PPIF: variants seen among roughly 807,000 people sequenced by gnomAD.
PPIF encodes the protein peptidylprolyl isomerase F, also known as peptidyl-prolyl cis-trans isomerase F, mitochondrial.
A neutral mutation model predicts 20.2 loss-of-function variants in PPIF; 23 were observed. The ratio of observed to expected loss-of-function variants is 1.14; its 90% CI spans 0.82 to 1.61. The LOEUF is 1.61. PPIF is among the 40% of genes most tolerant of loss of function. PPIF has a pLI of 0.00. For missense variants in PPIF, 287 were observed against 291.6 expected, an observed-to-expected ratio of 0.98 and a Z score of 0.11; for synonymous variants, 113 against 123.1, an observed-to-expected ratio of 0.92 and a Z score of 0.54.
chr10:79,352,389 A>G lies in PPIF; in HGVS notation c.485A>G (p.Asp162Gly), dbSNP rs766811181. 2.5e-6 allele frequency: 4 copies of G among 1,613,502 alleles called. No homozygotes were observed. The highest frequency in any genetic ancestry group is 1.6e-4 in the Middle Eastern group (1 of 6,084). Reference protein sequence around the residue: ...SQFFICTIKTDWLDGKHVVFG... With the variant: ...SQFFICTIKTGWLDGKHVVFG... ...TTCTTCATCTGCACCATAAAGACAG[A>G]CTGGTGAGTTCCCTGCCCCAGGCCC... Residue 162 changes from aspartate to glycine, a missense_variant, in exon 5 of 6, where the codon GAC becomes GGC. Physicochemically the swap from Asp to Gly is moderately conservative, Grantham distance 94. Coordinates refer to ENST00000225174, the MANE Select transcript of PPIF (RefSeq NM_005729.4).
At chr10:79,350,517 G>C (rs1355600425) in intron 3 of PPIF, among the ~76,000 whole-genome samples, 1 of 152,218 alleles carries the variant, frequency 6.6e-6, no homozygotes, top group Non-Finnish European at 1.5e-5. Context: ...GGCCGTCATC[G>C]TACCGTGGTA....
chr10:79,351,222 G>C (rs1855977897), intron 3 of PPIF, among the ~76,000 whole-genome samples: 1 of 152,088 alleles, frequency 6.6e-6, no homozygotes, highest in Admixed American at 6.5e-5. Flanking sequence ...GTCTTTTGAA[G>C]ATTACTTAAA....
At position 79,349,716 on chromosome 10, in the gene PPIF, C is replaced by T. The variant is rs780132922; in HGVS notation, c.278C>T (p.Ser93Phe). 25 of 1,613,876 alleles carry T rather than the reference C, an allele frequency of 1.5e-5. No homozygotes were observed. In the East Asian group the frequency reaches 5.3e-4, roughly 35 times the overall value. Residue 93 changes from serine to phenylalanine, a missense_variant, in exon 3 of 6, where the codon TCC becomes TTC. Physicochemically the swap from Ser to Phe is radical, Grantham distance 155. Transcript: ENST00000225174. ...TGEKGFGYKG[S>F]TFHRVIPSFM... is the part of the protein sequence containing the mutation. Reference sequence around the variant, plus strand: ...GAGAAGGGCTTCGGCTACAAAGGCTCCACCTTCCACAGGGTGATCCCTTCC... The same window carrying T: ...GAGAAGGGCTTCGGCTACAAAGGCTTCACCTTCCACAGGGTGATCCCTTCC...
In PPIF at chr10:79,349,115, G is replaced by A; in HGVS notation, c.226+9G>A. The A allele has an allele frequency of 6.2e-7, 1 of 1,613,998 alleles. No individual in the cohort carries two copies. The highest frequency in any genetic ancestry group is 8.5e-7 in the Non-Finnish European group (1 of 1,179,986). ...CGTCCCAAAGACAGCTGGTAAGACA[G>A]GGCCTGGGGCCTTCTGAGATGGGTC... On this transcript the variant is annotated intron_variant, in intron 2 of 5. Coordinates refer to ENST00000225174, the MANE Select transcript of PPIF (RefSeq NM_005729.4).
At position 79,353,962 on chromosome 10, in the gene PPIF, T is replaced by G; in HGVS notation, c.*120T>G. 2.5e-6 allele frequency: 3 copies of G among 1,177,502 alleles called. No individual in the cohort carries two copies. Among genetic ancestry groups the G allele is most frequent in the Non-Finnish European group, 3.6e-6 (3 of 832,992 alleles). The allele number at this position is 1,177,502 out of a possible 1,614,324, so 72.9% of individuals were successfully genotyped here. ...GTGTGCCCACTCCACTGTCACAGTGTGCCTGAGGAAGGCTGCTAGGGATGT... is the reference window on the plus strand; with the variant it reads ...GTGTGCCCACTCCACTGTCACAGTGGGCCTGAGGAAGGCTGCTAGGGATGT... On this transcript the variant is annotated 3_prime_UTR_variant, in exon 6 of 6. Transcript: ENST00000225174.
intron 3 of PPIF, 172 bp downstream of exon 3, chr10:79,349,925 C>T (rs1855958456): frequency 3.6e-6 from 5 of 1,389,910 alleles, no homozygotes; most frequent in Non-Finnish European, 4.8e-6. Flanking sequence ...ACATGGAAGC[C>T]CAGCCCCAAC....
chr10:79,349,317 T>C (rs1310583740), intron 2 of PPIF, among the ~76,000 whole-genome samples: 7 of 152,236 alleles, frequency 4.6e-5, no homozygotes, highest in Non-Finnish European at 8.8e-5. Context: ...TCATAGTAGC[T>C]GGGAGCCTCA....
At position 79,351,434 on chromosome 10, in the gene PPIF, G is replaced by A. The variant is rs962581733; in HGVS notation, c.316-53G>A. On this transcript the variant is annotated intron_variant, in intron 3 of 5. Transcript: ENST00000225174. ...TGAGGCTGCTGCCAGCGCCAGGGCC[G>A]TGGCCCCCGCCTGCTCCATGGTAGC... 8.2e-6 allele frequency: 13 copies of A among 1,579,024 alleles called. No homozygotes were observed. The African/African-American group carries it at 9.4e-5, about 11-fold the overall frequency.
intron 3 of PPIF, 40 bp from the exon 4 acceptor site, chr10:79,351,447 G>C: frequency 1.2e-6 from 2 of 1,604,294 alleles, no homozygotes; most frequent in Non-Finnish European, 1.7e-6. Flanking sequence ...GCCCCCGCCT[G>C]CTCCATGGTA....
At position 79,351,584 on chromosome 10, in the gene PPIF, G is replaced by C; in HGVS notation, c.412+1G>C. 6.2e-7 allele frequency: 1 copy of C among 1,613,404 alleles called. No homozygotes were observed. The highest frequency in any genetic ancestry group is 8.5e-7 in the Non-Finnish European group (1 of 1,179,318). On this transcript the variant is annotated splice_donor_variant, in intron 4 of 5. Transcript: ENST00000225174. LOFTEE classifies it high-confidence loss of function. ...TTTACACTGAAGCACGTGGGGCCAG[G>C]TGAGTGGGGGCCTCCTCTAGGGTGA...
At chr10:79,351,462 C>T (rs745525785) in intron 3 of PPIF, 25 bp from the exon 4 acceptor site, 1 of 1,612,308 alleles carries the variant, frequency 6.2e-7, no homozygotes. Context: ...ATGGTAGCCA[C>T]TCAGAAGGTG....
At chr10:79,352,711 T>C (rs1589647437) in intron 5 of PPIF, among the ~76,000 whole-genome samples, 2 of 152,326 alleles carry the variant, frequency 1.3e-5, no homozygotes, top group South Asian at 2.1e-4. Flanking sequence ...GCAAAACATA[T>C]TATGAGGCCT....
intron 3 of PPIF, 29 bp downstream of exon 3, chr10:79,349,782 G>A: frequency 6.2e-7 from 1 of 1,613,484 alleles, no homozygotes; most frequent in South Asian, 1.1e-5. Context: ...CTGTAAGGGG[G>A]GATGAGAGCA....
chr10:79,347,855 C>T (rs1004310257), intron 1 of PPIF, 112 bp downstream of exon 1: 4 of 1,224,390 alleles, frequency 3.3e-6, no homozygotes, highest in Non-Finnish European at 4.1e-6. Flanking sequence ...CTCCCCATGC[C>T]GAGCTCTGGG....
At position 79,353,797 on chromosome 10, in the gene PPIF, G is replaced by T. The variant is rs577203152; in HGVS notation, c.579G>T (p.Arg193Ser). Residue 193 changes from arginine (R) to serine (S), a missense_variant, in exon 6 of 6, where the codon AGG becomes AGT. Transcript: ENST00000225174. The stretch of plus-strand genomic sequence containing the variant: ...AATCTTTCGGCTCTAAGAGTGGGAG[G>T]ACATCCAAGAAGATTGTCATCACAG... ...KIESFGSKSG[R>S]TSKKIVITDC... The T allele has an allele frequency of 1.2e-6, 2 of 1,614,238 alleles. No individual in the cohort carries two copies. Among genetic ancestry groups the T allele is most frequent in the South Asian group, 2.2e-5 (2 of 91,088 alleles).
Position 79,354,062 on chromosome 10 carries a change from TG to T in PPIF, c.*221del. ...TCACGACCTCATTTCTGGGCATCTTTGTGGACATGATGTCACCCACCCCTTG... is the reference window on the plus strand; with the variant it reads ...TCACGACCTCATTTCTGGGCATCTTTTGGACATGATGTCACCCACCCCTTG... On this transcript the variant is annotated 3_prime_UTR_variant, in exon 6 of 6. Transcript: ENST00000225174. 2 of 569,498 alleles carry T rather than the reference TG, an allele frequency of 3.5e-6. No individual in the cohort carries two copies. Among genetic ancestry groups the T allele is most frequent in the East Asian group, 6.0e-5 (2 of 33,154 alleles). 35.3% of individuals were successfully genotyped at this position (569,498 alleles called of 1,614,324 possible). A position where few individuals can be genotyped will look rare whatever the true frequency, so the allele number is the denominator to read the frequency against.
Position 79,347,596 on chromosome 10 carries a change from C to T in PPIF, c.48C>T (p.Val16=). The stretch of plus-strand genomic sequence containing the variant: ...CCCGCTGGCTCGGCCTGCTCTCCGT[C>T]CCGCGCTCCGTGCCGCTGCGCCTCC... ...CGSRWLGLLS[V]PRSVPLRLPA... is the part of the protein sequence containing the mutation. The change falls in exon 1 of 6, where the codon GTC becomes GTT. Residue 16 remains valine, a synonymous_variant. Coordinates refer to ENST00000225174, the MANE Select transcript of PPIF (RefSeq NM_005729.4). 7.0e-7 allele frequency: 1 copy of T among 1,424,908 alleles called. No homozygotes were observed. The highest frequency in any genetic ancestry group is 9.2e-7 in the Non-Finnish European group (1 of 1,086,522). 88.3% of individuals were successfully genotyped at this position (1,424,908 alleles called of 1,614,324 possible).
rs1457011787 is a variant in PPIF, at chr10:79,355,130, A to T, written c.*1288A>T. 6.6e-6 allele frequency: 1 copy of T among 152,122 alleles called. No individual in the cohort carries two copies. Among genetic ancestry groups the T allele is most frequent in the African/African-American group, 2.4e-5 (1 of 41,400 alleles). The allele number at this position is 152,122 out of a possible 1,614,324, so 9.4% of individuals were successfully genotyped here. Reference sequence around the variant, plus strand: ...GTTTTCTTGATGGTGAATTATTGCAAGATACGGTCATTTAAAATTGTGTGG... The same window carrying T: ...GTTTTCTTGATGGTGAATTATTGCATGATACGGTCATTTAAAATTGTGTGG... On this transcript the variant is annotated 3_prime_UTR_variant, in exon 6 of 6. Coordinates refer to ENST00000225174, the MANE Select transcript of PPIF (RefSeq NM_005729.4).
chr10:79,349,948 C>T, intron 3 of PPIF, 195 bp downstream of exon 3: 1 of 1,263,658 alleles, frequency 7.9e-7, no homozygotes, highest in African/African-American at 1.5e-5. Context: ...GCTGCCACTC[C>T]AGGTCAGTGG....
Sources: gnomAD v4.1 joint callset for allele counts (sites outside exome capture counted in the v4.1 genomes callset) on GRCh38, gnomAD v4.1.1 for gene constraint, MANE v1.5 for transcripts, NCBI Gene and HGNC (gene_info 2026-07-23, HGNC 2026-07-21) for gene names.